Variants in TRIM21 observed in about 807,000 individuals in gnomAD.
TRIM21 encodes the protein E3 ubiquitin-protein ligase TRIM21.
Under a neutral mutation model 36.1 loss-of-function variants are expected in TRIM21, and 35 were observed. The observed-to-expected ratio is 0.97, with a 90% CI of 0.74 to 1.28. The LOEUF (loss-of-function observed/expected upper bound fraction) is 1.28. TRIM21 is among the 50% of genes most tolerant of loss of function. TRIM21 has a pLI of 0.00. For missense variants in TRIM21, 635 were observed against 570.7 expected, an observed-to-expected ratio of 1.11 and a Z score of -1.15; for synonymous variants, 256 against 211.5, an observed-to-expected ratio of 1.21 and a Z score of -1.83.
chr11:4,385,956 G>T, intron 6 of TRIM21, 103 bp from the exon 7 acceptor site: 1 of 1,244,736 alleles, frequency 8.0e-7, no homozygotes, highest in African/African-American at 1.5e-5. Flanking sequence ...AGCATGAGGG[G>T]TGAACCTCCC....
rs71466158 is a variant in TRIM21, at chr11:4,392,567, A to AAAAACAAAACAAAAC, written c.-50+1051_-50+1065dup. On this transcript the variant is annotated intron_variant, in intron 1 of 6. Coordinates refer to ENST00000254436, the MANE Select transcript of TRIM21 (RefSeq NM_003141.4). ...GGGTGACACGGCGAGACTCCCTCTC[A>AAAAACAAAACAAAAC]AAAACAAAACAAAACAAAACAAGGC... Among the ~76,000 whole-genome samples, 888 of 151,762 alleles carry AAAAACAAAACAAAAC rather than the reference A, an allele frequency of 5.9e-3. 7 individuals carry two copies. Among genetic ancestry groups the AAAAACAAAACAAAAC allele is most frequent in the African/African-American group, 0.02 (833 of 41,274 alleles).
Position 4,385,775 on chromosome 11 carries a change from T to A in TRIM21, c.938A>T (p.Asp313Val). The change falls in exon 7 of 7, where the codon GAC becomes GTC. Residue 313 changes from aspartate to valine, a missense_variant. By Grantham distance (152) the Asp-to-Val change is radical (BLOSUM62 -3). Transcript: ENST00000254436. ...ATTTCCAGGTATGCTCTGCTGGGTG[T>A]CTCCAAGCCTCACTTGTCTCCGATC... ...SEDRRQVRLGDTQQSIPGNEE... is the reference protein window; with the variant it reads ...SEDRRQVRLGVTQQSIPGNEE... 6.2e-7 allele frequency: 1 copy of A among 1,613,546 alleles called. No individual in the cohort carries two copies. Among genetic ancestry groups the A allele is most frequent in the Non-Finnish European group, 8.5e-7 (1 of 1,179,770 alleles).
At position 4,390,449 on chromosome 11, in the gene TRIM21, G is replaced by A. The variant is rs116383064; in HGVS notation, c.-40C>T. Reference sequence around the variant, plus strand: ...TTAAACAGCAGTGTGGAGACCTTTAGGGGGTTTGGCTGGGAGAGAAGAAGA... The same window carrying A: ...TTAAACAGCAGTGTGGAGACCTTTAAGGGGTTTGGCTGGGAGAGAAGAAGA... On this transcript the variant is annotated 5_prime_UTR_variant, in exon 2 of 7. Coordinates refer to ENST00000254436, the MANE Select transcript of TRIM21 (RefSeq NM_003141.4). The A allele has an allele frequency of 2.5e-3, 3,947 of 1,554,716 alleles. 87 individuals are homozygous for A. The African/African-American group carries it at 0.045, about 18-fold the overall frequency.
chr11:4,388,485 G>A lies in TRIM21; in HGVS notation c.550C>T (p.Gln184Ter). The change falls in exon 4 of 7, where the codon CAG (glutamine) becomes TAG (stop). Residue 184 changes from glutamine to a stop codon, truncating the protein, a stop_gained. Coordinates refer to ENST00000254436, the MANE Select transcript of TRIM21 (RefSeq NM_003141.4). LOFTEE classifies it high-confidence loss of function. The part of the protein sequence containing the change: ...QKSRIHAEFV[Q>*]QKNFLVEEEQ... ...TCTTCAACCAGGAAGTTTTTTTGCT[G>A]CACAAACTCTGCGTGAATCCTAGAT... 6.2e-7 allele frequency: 1 copy of A among 1,612,602 alleles called. No individual in the cohort carries two copies. Among genetic ancestry groups the A allele is most frequent in the Non-Finnish European group, 8.5e-7 (1 of 1,179,876 alleles).
At chr11:4,386,614 A>G (rs1337870051) in intron 5 of TRIM21, among the ~76,000 whole-genome samples, 3 of 152,182 alleles carry the variant, frequency 2.0e-5, no homozygotes, top group African/African-American at 7.2e-5. Flanking sequence ...GGTCTTACTC[A>G]TGGCTCTTTT....
intron 3 of TRIM21, 134 bp from the exon 4 acceptor site, chr11:4,388,664 C>T: frequency 1.2e-6 from 1 of 814,866 alleles, no homozygotes; most frequent in Non-Finnish European, 2.0e-6. Context: ...CACACATGCA[C>T]ACGCACACGC....
rs781299974 is a variant in TRIM21 at position 4,385,775 on chromosome 11, TCTCCAAGC to T, written c.930_937del (p.Leu311HisfsTer9). ...ATTTCCAGGTATGCTCTGCTGGGTG[TCTCCAAGC>T]CTCACTTGTCTCCGATCTTCTGAAA... On this transcript the variant is annotated frameshift_variant, in exon 7 of 7. Coordinates refer to ENST00000254436, the MANE Select transcript of TRIM21 (RefSeq NM_003141.4). LOFTEE classifies it low-confidence loss of function (END_TRUNC). 6.2e-7 allele frequency: 1 copy of T among 1,613,546 alleles called. No homozygotes were observed. Among genetic ancestry groups the T allele is most frequent in the South Asian group, 1.1e-5 (1 of 90,914 alleles).
intron 3 of TRIM21, among the ~76,000 whole-genome samples, chr11:4,388,977 A>G (rs2094959680): frequency 6.6e-6 from 1 of 152,072 alleles, no homozygotes; most frequent in South Asian, 2.1e-4. Flanking sequence ...GGGCTTGGGG[A>G]CATTCTTTGC....
rs980255765 is a variant in TRIM21, at chr11:4,388,505, C to T, written c.530G>A (p.Arg177Lys). ...TTGCTGCACAAACTCTGCGTGAATC[C>T]TAGATTTCTGTGTTTCCACTGTTTT... ...WKKTVETQKS[R>K]IHAEFVQQKN... Residue 177 changes from arginine (R) to lysine (K), a missense_variant, in exon 4 of 7, where the codon AGG becomes AAG. By Grantham distance (26) the Arg-to-Lys change is conservative. Coordinates refer to ENST00000254436, the MANE Select transcript of TRIM21 (RefSeq NM_003141.4). 1 of 1,610,510 alleles carries T rather than the reference C, an allele frequency of 6.2e-7. No individual in the cohort carries two copies. The highest frequency in any genetic ancestry group is 8.5e-7 in the Non-Finnish European group (1 of 1,179,850).
In TRIM21 at chr11:4,389,986, G is replaced by T. The variant is rs777092527; in HGVS notation, c.408+16C>A. ...TCTGAAAACGAAGCACTCACCAGGT[G>T]TCTCTTAGGCCTCACCTGGTACTCC... On this transcript the variant is annotated intron_variant, in intron 2 of 6. Coordinates refer to ENST00000254436, the MANE Select transcript of TRIM21 (RefSeq NM_003141.4). 6.8e-6 allele frequency: 11 copies of T among 1,610,834 alleles called. No individual in the cohort carries two copies. In the East Asian group the frequency reaches 2.5e-4, roughly 36 times the overall value.
At position 4,385,577 on chromosome 11, in the gene TRIM21, G is replaced by C; in HGVS notation, c.1136C>G (p.Thr379Arg). The change falls in exon 7 of 7, where the codon ACA (threonine) becomes AGA (arginine). Residue 379 changes from threonine to arginine, a missense_variant. Coordinates refer to ENST00000254436, the MANE Select transcript of TRIM21 (RefSeq NM_003141.4). ...TTTTTGTTTGTTCCACAACCAAATT[G>C]TCCAGAAGCCACTCTTGGAACTAAG... is the stretch of plus-strand genomic sequence containing the variant. ...FLLSSKSGFW[T>R]IWLWNKQKYE... The C allele has an allele frequency of 6.2e-7, 1 of 1,612,602 alleles. No individual in the cohort carries two copies.
At chr11:4,393,291 G>T (rs1216373257) in intron 1 of TRIM21, among the ~76,000 whole-genome samples, 1 of 152,128 alleles carries the variant, frequency 6.6e-6, no homozygotes, top group Admixed American at 6.5e-5. Flanking sequence ...ACACCCAGCC[G>T]TCATCCTAGG....
rs2094954664 is a variant in TRIM21 at position 4,385,226 on chromosome 11, AG to A, written c.*58del. Reference sequence around the variant, plus strand: ...TTCAGAGTTCATGGGGAAAAGAGGCAGGGTTTGTGGCTGAGAAGCGGTGCCA... The same window carrying A: ...TTCAGAGTTCATGGGGAAAAGAGGCAGGTTTGTGGCTGAGAAGCGGTGCCA... On this transcript the variant is annotated 3_prime_UTR_variant, in exon 7 of 7. Transcript: ENST00000254436. 2.7e-6 allele frequency: 4 copies of A among 1,493,322 alleles called. No homozygotes were observed. Among genetic ancestry groups the A allele is most frequent in the Non-Finnish European group, 3.6e-6 (4 of 1,106,186 alleles). The allele number at this position is 1,493,322 out of a possible 1,614,324, so 92.5% of individuals were successfully genotyped here.
At chr11:4,386,892 C>G (rs2094956816) in intron 5 of TRIM21, 76 bp downstream of exon 5, 2 of 1,472,532 alleles carry the variant, frequency 1.4e-6, no homozygotes, top group Non-Finnish European at 9.2e-7. Context: ...GCATGTACTT[C>G]TAATTCAATC....
chr11:4,387,254 T>TTG (rs1182109108), intron 4 of TRIM21, among the ~76,000 whole-genome samples: 2 of 133,818 alleles, frequency 1.5e-5, no homozygotes, highest in African/African-American at 5.1e-5. Context: ...AAGACCAGTT[T>TTG]TTTTTTTTTT....
chr11:4,392,303 AC>A, intron 1 of TRIM21, among the ~76,000 whole-genome samples: 1 of 152,226 alleles, frequency 6.6e-6, no homozygotes, highest in Non-Finnish European at 1.5e-5. Context: ...ACGGTGGCTC[AC>A]ACCTGTAATC....
intron 3 of TRIM21, among the ~76,000 whole-genome samples, chr11:4,389,152 C>T (rs1320771006): frequency 1.3e-5 from 2 of 152,170 alleles, no homozygotes; most frequent in Non-Finnish European, 2.9e-5. Flanking sequence ...CATGCCCCAC[C>T]TCTCCTAGGA....
chr11:4,393,076 C>T (rs1231229520), intron 1 of TRIM21, among the ~76,000 whole-genome samples: 1 of 152,178 alleles, frequency 6.6e-6, no homozygotes, highest in Non-Finnish European at 1.5e-5. Context: ...TCAGCTGCTC[C>T]AAACTTAGTT....
At chr11:4,387,714 G>A (rs2094958018) in intron 4 of TRIM21, among the ~76,000 whole-genome samples, 1 of 152,102 alleles carries the variant, frequency 6.6e-6, no homozygotes, top group African/African-American at 2.4e-5. Flanking sequence ...AATTAGCCAG[G>A]TGTGGTGATG....
Sources: gnomAD v4.1 joint callset for allele counts (sites outside exome capture counted in the v4.1 genomes callset) on GRCh38, gnomAD v4.1.1 for gene constraint, MANE v1.5 for transcripts, NCBI Gene and HGNC (gene_info 2026-07-23, HGNC 2026-07-21) for gene names.